The following PEX19 variants were observed in gnomAD, a reference collection of about 807,000 sequenced individuals.
PEX19 encodes peroxisomal biogenesis factor 19, also known as 33 kDa housekeeping protein.
A neutral mutation model predicts 36.3 loss-of-function variants in PEX19; 29 were observed. That is an observed-to-expected ratio of 0.80 (90% CI 0.60 to 1.09). PEX19 has a LOEUF of 1.09. Among genes scored for constraint, PEX19 ranks in the 50% least tolerant of loss-of-function variants. PEX19 has a pLI of 0.00. For missense variants in PEX19, 396 were observed against 368.1 expected (o/e 1.08, Z -0.62); for synonymous variants, 141 against 135.2 (o/e 1.04, Z -0.30).
At chr1:160,284,027 C>T (rs1571140078) in intron 1 of PEX19, 5 of 469,044 alleles carry the variant, frequency 1.1e-5, no homozygotes, top group South Asian at 7.9e-5. Flanking sequence ...TCCCTCTGAA[C>T]TCACTCTGGA....
chr1:160,285,111 T>C lies in PEX19; in HGVS notation c.14A>G (p.Glu5Gly). The C allele has an allele frequency of 3.1e-6, 5 of 1,613,948 alleles. No homozygotes were observed. The highest frequency in any genetic ancestry group is 4.2e-6 in the Non-Finnish European group (5 of 1,179,880). The part of the protein sequence containing the change: MAAA[E>G]EGCSVGAEAD... ...TTCGGCCCCGACACTACAGCCTTCCTCAGCGGCGGCCATCTTGCTACCTCC... is the reference window on the plus strand; with the variant it reads ...TTCGGCCCCGACACTACAGCCTTCCCCAGCGGCGGCCATCTTGCTACCTCC... The change falls in exon 1 of 8, where the codon GAG (glutamate) becomes GGG (glycine). Residue 5 changes from glutamate (E) to glycine (G), a missense_variant. Coordinates refer to ENST00000368072, the MANE Select transcript of PEX19 (RefSeq NM_002857.4).
In PEX19 at chr1:160,276,959, C is replaced by A. The variant is rs1243279780; in HGVS notation, c.*2592G>T. 2.2e-6 allele frequency: 1 copy of A among 453,864 alleles called. No individual in the cohort carries two copies. The highest frequency in any genetic ancestry group is 2.0e-5 in the African/African-American group (1 of 49,944). 28.1% of individuals were successfully genotyped at this position (453,864 alleles called of 1,614,324 possible). A position where few individuals can be genotyped will look rare whatever the true frequency, so the allele number is the denominator to read the frequency against. ...ATAAATATTTCATATACAGCTTAAA[C>A]CTAAGCTTTGTAACGATTATTTTTG... On this transcript the variant is annotated 3_prime_UTR_variant, in exon 8 of 8. Transcript: ENST00000368072.
rs934381681 is a variant in PEX19, at chr1:160,277,946, A to C, written c.*1605T>G. On this transcript the variant is annotated 3_prime_UTR_variant, in exon 8 of 8. Transcript: ENST00000368072. ...ATTTCCCAAATAGCCTGAGACCTTG[A>C]GAACATTTCCTTCCTCACCAATACC... is the stretch of plus-strand genomic sequence containing the variant. 1 of 694,306 alleles carries C rather than the reference A, an allele frequency of 1.4e-6. No homozygotes were observed. The allele number at this position is 694,306 out of a possible 1,614,324, so 43.0% of individuals were successfully genotyped here. A position where few individuals can be genotyped will look rare whatever the true frequency, so the allele number is the denominator to read the frequency against.
At chr1:160,284,304 C>A in intron 1 of PEX19, 1 of 406,130 alleles carries the variant, frequency 2.5e-6, no homozygotes, top group South Asian at 1.9e-5. Flanking sequence ...CCCACATCTC[C>A]GTGATTGAGC....
chr1:160,282,102 A>T lies in PEX19; in HGVS notation c.531T>A (p.Ser177Arg). The change falls in exon 5 of 8, where the codon AGT becomes AGA. Residue 177 changes from serine (S) to arginine (R), a missense_variant. By Grantham distance (110) the Ser-to-Arg change is moderately radical. Transcript: ENST00000368072. ...GEGNILPIMQ[S>R]IMQNLLSKDV... ...CCTTGGAGAGTAGGTTCTGCATAAT[A>T]CTCTGCATGATGGGGAGGATGTTCC... 1 of 1,613,722 alleles carries T rather than the reference A, an allele frequency of 6.2e-7. No homozygotes were observed. Among genetic ancestry groups the T allele is most frequent in the Non-Finnish European group, 8.5e-7 (1 of 1,179,830 alleles).
intron 1 of PEX19, chr1:160,284,081 C>T: frequency 2.1e-6 from 1 of 471,914 alleles, no homozygotes; most frequent in South Asian, 1.5e-5. Context: ...GGACATCCCA[C>T]CCAGCTTCCT....
chr1:160,283,497 C>T, intron 2 of PEX19, 33 bp downstream of exon 2: 1 of 1,477,648 alleles, frequency 6.8e-7, no homozygotes, highest in South Asian at 1.1e-5. Context: ...ATGCCCATCC[C>T]CTCCCCATCC....
Position 160,276,895 on chromosome 1 carries a change from T to C in PEX19, c.*2656A>G. The stretch of plus-strand genomic sequence containing the variant: ...CAAATTTATCTAACACATTTAATTT[T>C]GGAACAAAGGAGCAACTCCTTTAAA... On this transcript the variant is annotated 3_prime_UTR_variant, in exon 8 of 8. Coordinates refer to ENST00000368072, the MANE Select transcript of PEX19 (RefSeq NM_002857.4). The C allele has an allele frequency of 2.3e-6, 1 of 439,390 alleles. No individual in the cohort carries two copies. Among genetic ancestry groups the C allele is most frequent in the Non-Finnish European group, 4.6e-6 (1 of 218,672 alleles). 27.2% of individuals were successfully genotyped at this position (439,390 alleles called of 1,614,324 possible). A position where few individuals can be genotyped will look rare whatever the true frequency, so the allele number is the denominator to read the frequency against.
rs576173651 is a variant in PEX19, at chr1:160,282,802, C to T, written c.346+142G>A. 198 of 883,180 alleles carry T rather than the reference C, an allele frequency of 2.2e-4. No individual in the cohort carries two copies. The African/African-American group carries it at 3.0e-3, about 13-fold the overall frequency. 54.7% of individuals were successfully genotyped at this position (883,180 alleles called of 1,614,324 possible). On this transcript the variant is annotated intron_variant, in intron 3 of 7. Coordinates refer to ENST00000368072, the MANE Select transcript of PEX19 (RefSeq NM_002857.4). ...ACCCCTTTTCATTAACAGGGATTCC[C>T]ATCCTTTCTCTCATTGCCTTTACCC...
At position 160,277,364 on chromosome 1, in the gene PEX19, C is replaced by CA. The variant is rs1342187566; in HGVS notation, c.*2186dup. On this transcript the variant is annotated 3_prime_UTR_variant, in exon 8 of 8. Transcript: ENST00000368072. Reference sequence around the variant, plus strand: ...GGTGCTGTCAAACTTGCCGGGTCGGCAGCACACAGTGTGAACTCCATACCT... The same window carrying CA: ...GGTGCTGTCAAACTTGCCGGGTCGGCAAGCACACAGTGTGAACTCCATACCT... 8.8e-6 allele frequency: 4 copies of CA among 455,960 alleles called. No individual in the cohort carries two copies. Among genetic ancestry groups the CA allele is most frequent in the South Asian group, 6.2e-5 (4 of 64,564 alleles). The allele number at this position is 455,960 out of a possible 1,614,324, so 28.2% of individuals were successfully genotyped here.
intron 2 of PEX19, 112 bp from the exon 3 acceptor site, chr1:160,283,221 A>G (rs903632073): frequency 6.2e-6 from 7 of 1,138,132 alleles, no homozygotes; most frequent in African/African-American, 6.1e-5. Context: ...CTCCTACCCA[A>G]TTCCACTGGA....
Position 160,280,261 on chromosome 1 carries a change from A to T in PEX19, c.595-15T>A. On this transcript the variant is annotated splice_polypyrimidine_tract_variant and intron_variant, in intron 5 of 7. Transcript: ENST00000368072. The stretch of plus-strand genomic sequence containing the variant: ...CATTCTGGATACTAAGAAAAGAGAG[A>T]ATGGGTGGAAAAGAATTAAGTGAAC... The T allele has an allele frequency of 6.2e-7, 1 of 1,609,270 alleles. No individual in the cohort carries two copies. The highest frequency in any genetic ancestry group is 1.1e-5 in the South Asian group (1 of 90,960).
In PEX19 at chr1:160,279,347, C is replaced by A. The variant is rs1338285199; in HGVS notation, c.*204G>T. ...GCAGAAACCACAATGGAGTAGGGTT[C>A]ACAGAAATGGCCTGTGAAACAGACC... On this transcript the variant is annotated 3_prime_UTR_variant, in exon 8 of 8. Transcript: ENST00000368072. 1 of 692,668 alleles carries A rather than the reference C, an allele frequency of 1.4e-6. No homozygotes were observed. The highest frequency in any genetic ancestry group is 2.0e-5 in the Admixed American group (1 of 49,780). The allele number at this position is 692,668 out of a possible 1,614,324, so 42.9% of individuals were successfully genotyped here.
Position 160,282,076 on chromosome 1 carries a change from T to C in PEX19, c.557A>G (p.Asp186Gly). The C allele has an allele frequency of 6.2e-7, 1 of 1,614,076 alleles. No homozygotes were observed. Among genetic ancestry groups the C allele is most frequent in the Non-Finnish European group, 8.5e-7 (1 of 1,179,938 alleles). ...QSIMQNLLSK[D>G]VLYPSLKEIT... ...CTCCTTCAGTGATGGGTACAGCACA[T>C]CCTTGGAGAGTAGGTTCTGCATAAT... The change falls in exon 5 of 8, where the codon GAT becomes GGT. Residue 186 changes from aspartate (D) to glycine (G), a missense_variant. Coordinates refer to ENST00000368072, the MANE Select transcript of PEX19 (RefSeq NM_002857.4).
intron 4 of PEX19, 106 bp downstream of exon 4, chr1:160,282,311 A>G (rs1657804593): frequency 7.0e-7 from 1 of 1,423,824 alleles, no homozygotes; most frequent in Non-Finnish European, 9.9e-7. Context: ...AAACAATAAG[A>G]CAGCAACAGA....
In PEX19 at chr1:160,279,419, T is replaced by A. The variant is rs773497860; in HGVS notation, c.*132A>T. On this transcript the variant is annotated 3_prime_UTR_variant, in exon 8 of 8. Coordinates refer to ENST00000368072, the MANE Select transcript of PEX19 (RefSeq NM_002857.4). ...AAAAACCTCAGCTGGTATGGCACAA[T>A]CTTGAATGGGATGACAGAGGGCAGC... is the stretch of plus-strand genomic sequence containing the variant. 1.4e-5 allele frequency: 11 copies of A among 793,526 alleles called. No individual in the cohort carries two copies. The African/African-American group carries it at 1.9e-4, about 13-fold the overall frequency. 49.2% of individuals were successfully genotyped at this position (793,526 alleles called of 1,614,324 possible).
In PEX19 at chr1:160,279,580, C is replaced by T. The variant is rs544690401; in HGVS notation, c.871G>A (p.Ala291Thr). 9 of 1,614,172 alleles carry T rather than the reference C, an allele frequency of 5.6e-6. No homozygotes were observed. Among genetic ancestry groups the T allele is most frequent in the Non-Finnish European group, 6.8e-6 (8 of 1,180,008 alleles). The stretch of plus-strand genomic sequence containing the variant: ...ATGATCAGACACTGTTCACCACTGG[C>T]ACCTGGTGGGCCCGAAAGATTGAGG... ...DALNLSGPPG[A>T]SGEQCLIM Residue 291 changes from alanine to threonine, a missense_variant, in exon 8 of 8, where the codon GCC becomes ACC. Physicochemically the swap from Ala to Thr is moderately conservative, Grantham distance 58 (BLOSUM62 0). Coordinates refer to ENST00000368072, the MANE Select transcript of PEX19 (RefSeq NM_002857.4).
Position 160,277,902 on chromosome 1 carries a change from G to C in PEX19, c.*1649C>G, listed in dbSNP as rs1489677260. 1.5e-6 allele frequency: 1 copy of C among 677,596 alleles called. No individual in the cohort carries two copies. Among genetic ancestry groups the C allele is most frequent in the Non-Finnish European group, 2.7e-6 (1 of 371,574 alleles). The allele number at this position is 677,596 out of a possible 1,614,324, so 42.0% of individuals were successfully genotyped here. A position where few individuals can be genotyped will look rare whatever the true frequency, so the allele number is the denominator to read the frequency against. On this transcript the variant is annotated 3_prime_UTR_variant, in exon 8 of 8. Coordinates refer to ENST00000368072, the MANE Select transcript of PEX19 (RefSeq NM_002857.4). ...CAGATCTGGGCTCTTCCATGCTCTGGTAAGGTATAGGAGTTGGAATTTCCC... is the reference window on the plus strand; with the variant it reads ...CAGATCTGGGCTCTTCCATGCTCTGCTAAGGTATAGGAGTTGGAATTTCCC...
Position 160,283,048 on chromosome 1 carries a change from G to T in PEX19, c.242C>A (p.Ser81Tyr), listed in dbSNP as rs766263544. ...CTTCTCGAACTCCGCAGTGGCTTGGGAAGCCAGTTCACTGTCGAATAGTTC... is the reference window on the plus strand; with the variant it reads ...CTTCTCGAACTCCGCAGTGGCTTGGTAAGCCAGTTCACTGTCGAATAGTTC... Reference protein sequence around the residue: ...FQELFDSELASQATAEFEKAM... With the variant: ...FQELFDSELAYQATAEFEKAM... Residue 81 changes from serine to tyrosine, a missense_variant, in exon 3 of 8, where the codon TCC becomes TAC. Physicochemically the swap from Ser to Tyr is moderately radical, Grantham distance 144. Transcript: ENST00000368072. 3.7e-6 allele frequency: 6 copies of T among 1,614,008 alleles called. No individual in the cohort carries two copies. Among genetic ancestry groups the T allele is most frequent in the East Asian group, 4.5e-5 (2 of 44,890 alleles).
Sources: gnomAD v4.1 joint callset for allele counts on GRCh38, gnomAD v4.1.1 for gene constraint, MANE v1.5 for transcripts, NCBI Gene and HGNC (gene_info 2026-07-23, HGNC 2026-07-21) for gene names.